Variants in DPF3 observed in about 807,000 individuals in gnomAD.
DPF3 encodes the protein zinc finger protein DPF3.
Under a neutral mutation model 56.8 loss-of-function variants are expected in DPF3, and 18 were observed. The observed-to-expected ratio is 0.32, with a 90% CI of 0.22 to 0.47. The LOEUF (loss-of-function observed/expected upper bound fraction) is 0.47. Among genes scored for constraint, DPF3 ranks in the 20% least tolerant of loss-of-function variants. The pLI is 1.00. For synonymous variants in DPF3, 188 were observed against 180.2 expected (o/e 1.04, Z -0.35); for missense variants, 403 against 488.8 (o/e 0.82, Z 1.65).
At chr14:72,884,971 T>TATATATATACATACATATATA (rs10523148) in intron 1 of DPF3, among the ~76,000 whole-genome samples, 1 of 111,686 alleles carries the variant, frequency 9.0e-6, no homozygotes, top group Non-Finnish European at 1.9e-5. Flanking sequence ...TATATATATA[T>TATATATATACATACATATATA]TAGCCGGGCG....
chr14:72,873,182 G>A (rs970049285), intron 1 of DPF3, among the ~76,000 whole-genome samples: 3 of 152,046 alleles, frequency 2.0e-5, no homozygotes, highest in African/African-American at 7.2e-5. Context: ...ATCTGACAAA[G>A]GGCTAATATC....
At chr14:72,676,273 A>G (rs928548687) in intron 7 of DPF3, among the ~76,000 whole-genome samples, 3 of 152,190 alleles carry the variant, frequency 2.0e-5, no homozygotes, top group Non-Finnish European at 4.4e-5. Flanking sequence ...ATGGAAGGCA[A>G]TCAGAGAATC....
intron 1 of DPF3, among the ~76,000 whole-genome samples, chr14:72,868,310 GC>G (rs1232471406): frequency 6.6e-6 from 1 of 152,128 alleles, no homozygotes; most frequent in African/African-American, 2.4e-5. Flanking sequence ...AGTTCCCAGA[GC>G]CCTAGTCTCC....
intron 6 of DPF3, among the ~76,000 whole-genome samples, chr14:72,704,681 C>T (rs1379457048): frequency 6.6e-6 from 1 of 152,136 alleles, no homozygotes; most frequent in Non-Finnish European, 1.5e-5. Flanking sequence ...CATCACACTC[C>T]CAAAATTACT....
intron 3 of DPF3, among the ~76,000 whole-genome samples, chr14:72,745,287 C>G (rs546443918): frequency 6.6e-6 from 1 of 151,950 alleles, no homozygotes; most frequent in South Asian, 2.1e-4. Context: ...TGTTTTTTTT[C>G]GCCACTTAGC....
intron 1 of DPF3, among the ~76,000 whole-genome samples, chr14:72,809,710 C>T (rs1360672237): frequency 6.6e-6 from 1 of 152,148 alleles, no homozygotes; most frequent in Non-Finnish European, 1.5e-5. Flanking sequence ...TGGGTCCCAC[C>T]CCAATCTCTT....
In DPF3 at chr14:72,616,861, T is replaced by C. The variant is rs1467247064; in HGVS notation, c.*2436A>G. On this transcript the variant is annotated 3_prime_UTR_variant, in exon 11 of 11. Transcript: ENST00000556509. ...ATAAATGTGACCACGGAGACTTTTG[T>C]CTGCTTGTAGTACCCTGACAGTGCC... Among the ~76,000 whole-genome samples, 1 of 152,244 alleles carries C rather than the reference T, an allele frequency of 6.6e-6. No individual in the cohort carries two copies. Among genetic ancestry groups the C allele is most frequent in the East Asian group, 1.9e-4 (1 of 5,206 alleles).
intron 1 of DPF3, among the ~76,000 whole-genome samples, chr14:72,893,270 C>G (rs76342070): frequency 6.6e-6 from 1 of 152,208 alleles, no homozygotes; most frequent in East Asian, 1.9e-4. Context: ...GCGAGAACAC[C>G]ATTCATAAGA....
chr14:72,800,851 G>A (rs1375451755), intron 1 of DPF3, among the ~76,000 whole-genome samples: 1 of 152,186 alleles, frequency 6.6e-6, no homozygotes, highest in African/African-American at 2.4e-5. Context: ...GTTGCAAGTT[G>A]AACCTACACA....
intron 1 of DPF3, among the ~76,000 whole-genome samples, chr14:72,837,654 C>T (rs1884355404): frequency 6.6e-6 from 1 of 152,130 alleles, no homozygotes; most frequent in African/African-American, 2.4e-5. Flanking sequence ...AGAAGAATCG[C>T]TTGAACCTGG....
intron 8 of DPF3, among the ~76,000 whole-genome samples, chr14:72,633,570 A>C (rs1006414277): frequency 1.3e-5 from 2 of 152,152 alleles, no homozygotes; most frequent in Non-Finnish European, 2.9e-5. Flanking sequence ...AAGAAGGAGA[A>C]GGTGGTCAAC....
At chr14:72,732,179 G>A (rs1228207051) in intron 3 of DPF3, among the ~76,000 whole-genome samples, 1 of 152,152 alleles carries the variant, frequency 6.6e-6, no homozygotes, top group Non-Finnish European at 1.5e-5. Context: ...GAAAGGGTGC[G>A]GGGTAGATGT....
At chr14:72,887,605 T>C (rs1397302893) in intron 1 of DPF3, among the ~76,000 whole-genome samples, 2 of 152,114 alleles carry the variant, frequency 1.3e-5, no homozygotes, top group African/African-American at 4.8e-5. Flanking sequence ...TAATCCACCA[T>C]AATAAGAGCC....
At chr14:72,722,914 G>A (rs2536142) in intron 5 of DPF3, among the ~76,000 whole-genome samples, 122,235 of 151,904 alleles carry the variant, frequency 0.8, 49,360 homozygotes, top group East Asian at 0.86. Flanking sequence ...TGTCCCATCC[G>A]AGGACCCCTG....
intron 1 of DPF3, among the ~76,000 whole-genome samples, chr14:72,889,540 C>A (rs1482837259): frequency 6.6e-6 from 1 of 152,112 alleles, no homozygotes; most frequent in Admixed American, 6.6e-5. Flanking sequence ...TACCCACATC[C>A]CCCCAACCTC....
chr14:72,730,429 G>C lies in DPF3; in HGVS notation c.429+1378C>G, dbSNP rs1007407094. Reference sequence around the variant, plus strand: ...TGTGGCAACTCAATGGAAAAGATTTGACAATTCATCTTAACACGGGAATGG... The same window carrying C: ...TGTGGCAACTCAATGGAAAAGATTTCACAATTCATCTTAACACGGGAATGG... On this transcript the variant is annotated intron_variant, in intron 4 of 10. Coordinates refer to ENST00000556509, the MANE Select transcript of DPF3 (RefSeq NM_001280542.3). 4.6e-5 allele frequency among the ~76,000 whole-genome samples: 7 copies of C among 152,262 alleles called. No homozygotes were observed. In the East Asian group the frequency reaches 1.2e-3, roughly 25 times the overall value.
intron 3 of DPF3, among the ~76,000 whole-genome samples, chr14:72,752,993 C>T (rs1029588008): frequency 6.6e-6 from 1 of 152,194 alleles, no homozygotes; most frequent in Non-Finnish European, 1.5e-5. Flanking sequence ...ATTCATCCTG[C>T]ACCTGGGCTG....
rs564671035 is a variant in DPF3 at position 72,670,807 on chromosome 14, A to G, written c.871+3433T>C. Reference sequence around the variant, plus strand: ...TGAGGACATCAACTCTGCTCCTGTCAAAAAGACCCCCTCCCCTCAGAAAAG... The same window carrying G: ...TGAGGACATCAACTCTGCTCCTGTCGAAAAGACCCCCTCCCCTCAGAAAAG... On this transcript the variant is annotated intron_variant, in intron 8 of 10. Coordinates refer to ENST00000556509, the MANE Select transcript of DPF3 (RefSeq NM_001280542.3). The G allele has an allele frequency of 8.1e-5, 90 of 1,106,738 alleles. 1 individual carries two copies. The African/African-American group carries it at 1.4e-3, about 17-fold the overall frequency. 68.6% of individuals were successfully genotyped at this position (1,106,738 alleles called of 1,614,324 possible). A position where few individuals can be genotyped will look rare whatever the true frequency, so the allele number is the denominator to read the frequency against.
At position 72,674,258 on chromosome 14, in the gene DPF3, C is replaced by T. The variant is rs368158261; in HGVS notation, c.853G>A (p.Ala285Thr). The change falls in exon 8 of 11, where the codon GCA (alanine) becomes ACA (threonine). Residue 285 changes from alanine to threonine, a missense_variant. Ala to Thr is a moderately conservative substitution (Grantham distance 58, BLOSUM62 0). Transcript: ENST00000556509. ...CACTCACCAGAGCGTCCACAGTCTG[C>T]GCAGGACACCAGCTCTTCAGGCCGC... ...SGRPEELVSC[A>T]DCGRSGHPTC... The T allele has an allele frequency of 5.0e-5, 81 of 1,612,434 alleles. No individual in the cohort carries two copies. The highest frequency in any genetic ancestry group is 6.7e-5 in the African/African-American group (5 of 74,812).
Sources: gnomAD v4.1 joint callset for allele counts (sites outside exome capture counted in the v4.1 genomes callset) on GRCh38, gnomAD v4.1.1 for gene constraint, MANE v1.5 for transcripts, NCBI Gene and HGNC (gene_info 2026-07-23, HGNC 2026-07-21) for gene names.